Variants in CSMD3 observed in about 807,000 individuals in gnomAD.
CSMD3 encodes CUB and sushi domain-containing protein 3.
In CSMD3, 177 loss-of-function variants were observed where a neutral mutation model predicts 435.2. The observed-to-expected ratio is 0.41, with a 90% confidence interval of 0.36 to 0.46. CSMD3 has a LOEUF of 0.46. CSMD3 is among the 20% of genes least tolerant of loss of function. The pLI, the probability that CSMD3 is intolerant of heterozygous loss-of-function variation, is 0.34. For synonymous variants in CSMD3, 1,656 were observed against 1,520.5 expected (o/e 1.09, Z -2.07); for missense variants, 4,265 against 4,504.6 (o/e 0.95, Z 1.52).
At chr8:112,773,665 A>T (rs1205796590) in intron 13 of CSMD3, among the ~76,000 whole-genome samples, 1 of 151,996 alleles carries the variant, frequency 6.6e-6, no homozygotes, top group Non-Finnish European at 1.5e-5. Context: ...AATTGTACAC[A>T]TGTGCTCTTC....
intron 23 of CSMD3, among the ~76,000 whole-genome samples, chr8:112,583,893 G>A (rs527513248): frequency 2.0e-5 from 3 of 151,770 alleles, no homozygotes; most frequent in Non-Finnish European, 2.9e-5. Context: ...AGAATCACAC[G>A]GGAATTTTTA....
At chr8:112,357,502 C>T (rs1459540041) in intron 38 of CSMD3, among the ~76,000 whole-genome samples, 1 of 151,952 alleles carries the variant, frequency 6.6e-6, no homozygotes, top group Non-Finnish European at 1.5e-5. Context: ...AATGAGGAGT[C>T]GAATGTTAAT....
intron 13 of CSMD3, among the ~76,000 whole-genome samples, chr8:112,750,617 C>G (rs1053806490): frequency 1.3e-5 from 2 of 151,996 alleles, no homozygotes; most frequent in African/African-American, 2.4e-5. Context: ...ACTCTTACAG[C>G]AGGCAGGTCC....
chr8:113,282,148 C>T (rs1055939766), intron 2 of CSMD3, among the ~76,000 whole-genome samples: 7 of 151,930 alleles, frequency 4.6e-5, no homozygotes, highest in African/African-American at 1.7e-4. Flanking sequence ...TGAAAGCATT[C>T]CCTCTGAGAA....
intron 13 of CSMD3, among the ~76,000 whole-genome samples, chr8:112,780,336 T>A (rs991106986): frequency 6.6e-6 from 1 of 152,064 alleles, no homozygotes; most frequent in Non-Finnish European, 1.5e-5. Flanking sequence ...TCAATTTCCT[T>A]ATCTTAAAGG....
intron 1 of CSMD3, among the ~76,000 whole-genome samples, chr8:113,412,103 G>T (rs151087126): frequency 9.2e-5 from 14 of 152,240 alleles, no homozygotes; most frequent in African/African-American, 3.4e-4. Context: ...AACCTGTAGA[G>T]TGTTTGATGT....
chr8:112,818,335 CTT>C (rs2079437099), intron 12 of CSMD3, among the ~76,000 whole-genome samples: 1 of 151,940 alleles, frequency 6.6e-6, no homozygotes, highest in African/African-American at 2.4e-5. Flanking sequence ...TAATAAAAGA[CTT>C]AAATATTTTG....
In CSMD3 at chr8:112,921,559, C is replaced by T. The variant is rs4520193; in HGVS notation, c.1633+68G>A. ...TTACAATTCAAAGACTTAATTGCAA[C>T]TTAATTACAATGAAATAAAGGTTAA... On this transcript the variant is annotated intron_variant, in intron 10 of 70. Coordinates refer to ENST00000297405, the MANE Select transcript of CSMD3 (RefSeq NM_198123.2). The T allele has an allele frequency of 2.8e-5, 36 of 1,283,608 alleles. No homozygotes were observed. The African/African-American group carries it at 4.8e-4, about 17-fold the overall frequency. The allele number at this position is 1,283,608 out of a possible 1,614,324, so 79.5% of individuals were successfully genotyped here.
intron 37 of CSMD3, among the ~76,000 whole-genome samples, chr8:112,382,380 T>C (rs934349372): frequency 3.3e-5 from 5 of 152,096 alleles, no homozygotes; most frequent in Non-Finnish European, 5.9e-5. Flanking sequence ...GTGTGCGATT[T>C]TTCTAAGATT....
intron 2 of CSMD3, among the ~76,000 whole-genome samples, chr8:113,284,155 C>T (rs1239045257): frequency 6.6e-6 from 1 of 151,868 alleles, no homozygotes; most frequent in Non-Finnish European, 1.5e-5. Flanking sequence ...GTGATGGGTG[C>T]ACCAAAATCT....
chr8:112,971,859 A>C (rs1217547476), intron 7 of CSMD3, among the ~76,000 whole-genome samples: 4 of 152,168 alleles, frequency 2.6e-5, no homozygotes, highest in African/African-American at 7.2e-5. Flanking sequence ...GTAGAAAATA[A>C]AAATTTTAAG....
At chr8:112,318,997 A>G in intron 46 of CSMD3, 47 bp from the exon 47 acceptor site, 1 of 1,043,208 alleles carries the variant, frequency 9.6e-7, no homozygotes, top group Non-Finnish European at 1.5e-6. Flanking sequence ...CAAGGTGATG[A>G]TAAAAATAAA....
chr8:112,682,381 G>C (rs1586958461), intron 16 of CSMD3, 61 bp downstream of exon 16: 1 of 1,203,146 alleles, frequency 8.3e-7, no homozygotes, highest in South Asian at 1.2e-5. Flanking sequence ...TGTGTTTCTT[G>C]TTGTGGTTTC....
chr8:113,265,628 T>G (rs1234022128), intron 3 of CSMD3, among the ~76,000 whole-genome samples: 2 of 151,668 alleles, frequency 1.3e-5, no homozygotes, highest in African/African-American at 4.8e-5. Context: ...TAATAAATTA[T>G]TGTTTATATC....
At chr8:113,108,061 G>A (rs2090533485) in intron 4 of CSMD3, among the ~76,000 whole-genome samples, 2 of 152,066 alleles carry the variant, frequency 1.3e-5, no homozygotes, top group African/African-American at 4.8e-5. Flanking sequence ...CAAAAACATA[G>A]GAATAGTATG....
intron 10 of CSMD3, among the ~76,000 whole-genome samples, chr8:112,910,040 C>T (rs544215476): frequency 1.3e-5 from 2 of 151,752 alleles, no homozygotes; most frequent in South Asian, 2.1e-4. Flanking sequence ...GGAGAGACTC[C>T]CTAAGAAAAC....
chr8:113,328,074 CACAG>C (rs545041585), intron 1 of CSMD3, among the ~76,000 whole-genome samples: 46 of 151,060 alleles, frequency 3.0e-4, no homozygotes, highest in Non-Finnish European at 5.5e-4. Context: ...CAAACACACA[CACAG>C]ACACACACAG....
At chr8:113,141,023 C>A (rs564241078) in intron 4 of CSMD3, among the ~76,000 whole-genome samples, 3 of 150,518 alleles carry the variant, frequency 2.0e-5, no homozygotes, top group African/African-American at 4.8e-5. Context: ...TCACTAAAGA[C>A]CCTGAAGATA....
chr8:112,413,578 C>A (rs1212334017), intron 32 of CSMD3, among the ~76,000 whole-genome samples: 1 of 152,070 alleles, frequency 6.6e-6, no homozygotes, highest in East Asian at 1.9e-4. Flanking sequence ...CACTACAGAC[C>A]AACAGTTACC....
Sources: allele counts gnomAD v4.1 joint callset (sites outside exome capture counted in the v4.1 genomes callset), GRCh38; gene constraint gnomAD v4.1.1; transcripts MANE v1.5; gene names NCBI Gene and HGNC (gene_info 2026-07-23, HGNC 2026-07-21).